ATP2B2: variants seen among roughly 807,000 people sequenced by gnomAD.
The protein encoded by ATP2B2 is plasma membrane calcium-transporting ATPase 2.
A neutral mutation model predicts 120.0 loss-of-function variants in ATP2B2; 15 were observed. The ratio of observed to expected loss-of-function variants is 0.12; its 90% CI spans 0.08 to 0.19. The LOEUF (loss-of-function observed/expected upper bound fraction) is 0.19. ATP2B2 is among the 10% of genes least tolerant of loss of function. The pLI, the probability that ATP2B2 is intolerant of heterozygous loss-of-function variation, is 1.00. For synonymous variants in ATP2B2, 694 were observed against 700.3 expected (o/e 0.99, Z 0.14); for missense variants, 1,045 against 1,719.8 (o/e 0.61, Z 6.94).
In ATP2B2 at chr3:10,529,286, C is replaced by T. The variant is rs373712511; in HGVS notation, c.-320+4753G>A. Among the ~76,000 whole-genome samples the T allele has an allele frequency of 7.2e-5, 11 of 152,156 alleles. No individual in the cohort carries two copies. The East Asian group carries it at 7.7e-4, about 11-fold the overall frequency. ...TGAAGATTATTTTGGGAACGATCTTCCTGGTACTCCCCTATCCAACAACAG... is the reference window on the plus strand; with the variant it reads ...TGAAGATTATTTTGGGAACGATCTTTCTGGTACTCCCCTATCCAACAACAG... On this transcript the variant is annotated intron_variant, in intron 3 of 21. Coordinates refer to the ATP2B2 transcript ENST00000646379.
rs191414594 is a variant in ATP2B2 at position 10,560,677 on chromosome 3, G to A, written c.-414-26544C>T. On this transcript the variant is annotated intron_variant, in intron 2 of 21. Coordinates refer to the ATP2B2 transcript ENST00000646379. The stretch of plus-strand genomic sequence containing the variant: ...CACCTCCTTTGCCAGCTCGCCATCC[G>A]CCTGAAGGAATGCAATACCCTCCAC... 1.5e-3 allele frequency among the ~76,000 whole-genome samples: 235 copies of A among 152,220 alleles called. 2 individuals are homozygous for A. Among genetic ancestry groups the A allele is most frequent in the African/African-American group, 5.4e-3 (226 of 41,542 alleles).
intron 3 of ATP2B2, among the ~76,000 whole-genome samples, chr3:10,405,091 C>T (rs2062364009): frequency 6.6e-6 from 1 of 152,226 alleles, no homozygotes; most frequent in South Asian, 2.1e-4. Context: ...AGGTAAGTGA[C>T]TTGGCCTCTC....
chr3:10,593,869 A>G (rs1217511285), intron 2 of ATP2B2, among the ~76,000 whole-genome samples: 2 of 147,560 alleles, frequency 1.4e-5, no homozygotes, highest in East Asian at 2.2e-4. Context: ...AATTTACAAG[A>G]AAAAAAACCA....
At chr3:10,623,629 G>A (rs901698251) in intron 1 of ATP2B2, among the ~76,000 whole-genome samples, 3 of 152,222 alleles carry the variant, frequency 2.0e-5, no homozygotes, top group Non-Finnish European at 4.4e-5. Flanking sequence ...AGGCCTGCCT[G>A]CATCCTGAAG....
intron 2 of ATP2B2, among the ~76,000 whole-genome samples, chr3:10,580,644 C>T (rs2068368485): frequency 6.6e-6 from 1 of 152,214 alleles, no homozygotes; most frequent in African/African-American, 2.4e-5. Context: ...CTCCCCCTCC[C>T]TGTCTCCCTG....
chr3:10,555,887 A>T (rs1273281208), intron 2 of ATP2B2, among the ~76,000 whole-genome samples: 3 of 152,148 alleles, frequency 2.0e-5, no homozygotes, highest in Non-Finnish European at 2.9e-5. Flanking sequence ...TTTGTGAGAG[A>T]CAGGTCAGAA....
chr3:10,696,331 T>C (rs2071741218), intron 1 of ATP2B2, among the ~76,000 whole-genome samples: 1 of 152,190 alleles, frequency 6.6e-6, no homozygotes, highest in Non-Finnish European at 1.5e-5. Flanking sequence ...TTTCAGTCTT[T>C]GAACACACAG....
chr3:10,578,764 G>A (rs1031525429), intron 2 of ATP2B2, among the ~76,000 whole-genome samples: 2 of 152,188 alleles, frequency 1.3e-5, no homozygotes, highest in Non-Finnish European at 2.9e-5. Flanking sequence ...GAGCACATGG[G>A]TGATGGATGA....
At chr3:10,463,496 T>A (rs1278775196) in intron 1 of ATP2B2, among the ~76,000 whole-genome samples, 1 of 152,224 alleles carries the variant, frequency 6.6e-6, no homozygotes, top group East Asian at 1.9e-4. Flanking sequence ...CAAATCCACA[T>A]ATGAACCCCA....
intron 1 of ATP2B2, among the ~76,000 whole-genome samples, chr3:10,684,290 T>C (rs1372281878): frequency 6.6e-6 from 1 of 152,214 alleles, no homozygotes; most frequent in African/African-American, 2.4e-5. Flanking sequence ...AAGAGCCACA[T>C]CAGCCCTAGA....
At chr3:10,610,714 C>T (rs1437797710) in intron 2 of ATP2B2, among the ~76,000 whole-genome samples, 1 of 152,228 alleles carries the variant, frequency 6.6e-6, no homozygotes, top group African/African-American at 2.4e-5. Flanking sequence ...CATCTCTTTT[C>T]CTTTTCCCCT....
chr3:10,358,120 C>A (rs974858984), intron 14 of ATP2B2, among the ~76,000 whole-genome samples: 2 of 152,224 alleles, frequency 1.3e-5, no homozygotes, highest in Non-Finnish European at 2.9e-5. Flanking sequence ...TAGCTCTGTT[C>A]CCCTGGGAAT....
At chr3:10,684,545 T>C (rs2071470730) in intron 1 of ATP2B2, among the ~76,000 whole-genome samples, 1 of 152,214 alleles carries the variant, frequency 6.6e-6, no homozygotes, top group South Asian at 2.1e-4. Flanking sequence ...AATAGGTTCA[T>C]TCAACAATTA....
Position 10,401,148 on chromosome 3 carries a change from G to C in ATP2B2, c.656-70C>G, listed in dbSNP as rs2062206236. 3.9e-5 allele frequency: 62 copies of C among 1,589,136 alleles called. 1 individual carries two copies. In the South Asian group the frequency reaches 6.3e-4, roughly 16 times the overall value. On this transcript the variant is annotated intron_variant, in intron 4 of 22. Coordinates refer to ENST00000360273, the MANE Select transcript of ATP2B2 (RefSeq NM_001001331.4). ...TAGAGGGCTGGAACATTCCCTTAAA[G>C]GTGCGATTACCAGGGAAGGTTTGCC...
rs772985131 is a variant in ATP2B2 at position 10,328,800 on chromosome 3, G to A, written c.*14C>T. On this transcript the variant is annotated 3_prime_UTR_variant, in exon 23 of 23. Coordinates refer to ENST00000360273, the MANE Select transcript of ATP2B2 (RefSeq NM_001001331.4). ...GGTCCATGAGGGCGGGCGGGCAGGCGAGAGGGTCCTCAGCTAAAGCGACGT... is the reference window on the plus strand; with the variant it reads ...GGTCCATGAGGGCGGGCGGGCAGGCAAGAGGGTCCTCAGCTAAAGCGACGT... 1.1e-5 allele frequency: 18 copies of A among 1,596,820 alleles called. No homozygotes were observed. The highest frequency in any genetic ancestry group is 1.7e-4 in the Middle Eastern group (1 of 5,988).
rs897483785 is a variant in ATP2B2 at position 10,465,656 on chromosome 3, C to T, written c.-319-15794G>A. ...CAGCCCACCATACTTACTCCCTGCCCCTGTAGATATTTTTGTCCTGAGACC... is the reference window on the plus strand; with the variant it reads ...CAGCCCACCATACTTACTCCCTGCCTCTGTAGATATTTTTGTCCTGAGACC... On this transcript the variant is annotated intron_variant, in intron 1 of 22. Transcript: ENST00000360273. Among the ~76,000 whole-genome samples the T allele has an allele frequency of 2.6e-5, 4 of 152,328 alleles. No homozygotes were observed. The East Asian group carries it at 7.7e-4, about 29-fold the overall frequency.
chr3:10,526,926 G>A (rs9310365), intron 3 of ATP2B2, among the ~76,000 whole-genome samples: 12 of 152,176 alleles, frequency 7.9e-5, no homozygotes, highest in South Asian at 2.1e-4. Context: ...GGATAAGCCC[G>A]TTATGTGTAC....
intron 1 of ATP2B2, among the ~76,000 whole-genome samples, chr3:10,689,862 T>C (rs1005468123): frequency 5.3e-5 from 8 of 152,204 alleles, no homozygotes; most frequent in African/African-American, 1.4e-4. Flanking sequence ...GAGGTGGGCT[T>C]GGGCAGGCAG....
chr3:10,654,643 T>A (rs2070562906), intron 1 of ATP2B2, among the ~76,000 whole-genome samples: 1 of 152,120 alleles, frequency 6.6e-6, no homozygotes, highest in Non-Finnish European at 1.5e-5. Context: ...AGATTTATCC[T>A]GTGCAATCTA....
Sources: allele counts gnomAD v4.1 joint callset (sites outside exome capture counted in the v4.1 genomes callset), GRCh38; gene constraint gnomAD v4.1.1; transcripts MANE v1.5; gene names NCBI Gene and HGNC (gene_info 2026-07-23, HGNC 2026-07-21).